The following PSIP1 variants were observed in gnomAD, a reference collection of about 807,000 sequenced individuals.
The protein encoded by PSIP1 is PC4 and SRSF1 interacting protein 1.
PSIP1 carries 19 observed loss-of-function variants against 74.7 expected under a neutral mutation model. The observed-to-expected ratio is 0.25, with a 90% confidence interval of 0.18 to 0.37. PSIP1 has a LOEUF of 0.37. Ranked by LOEUF, PSIP1 falls within the 10% of genes least tolerant of loss-of-function variation. The pLI, the probability that PSIP1 is intolerant of heterozygous loss-of-function variation, is 1.00. For missense variants in PSIP1, 601 were observed against 614.3 expected (o/e 0.98, Z 0.23); for synonymous variants, 222 against 195.3 (o/e 1.14, Z -1.14).
intron 3 of PSIP1, among the ~76,000 whole-genome samples, chr9:15,491,003 CAA>C (rs1383372144): frequency 6.6e-6 from 1 of 152,170 alleles, no homozygotes; most frequent in African/African-American, 2.4e-5. Flanking sequence ...AGCAAATACA[CAA>C]CCATTGCTCC....
chr9:15,478,438 C>G, intron 8 of PSIP1, 39 bp downstream of exon 8: 4 of 1,404,806 alleles, frequency 2.8e-6, no homozygotes, highest in Non-Finnish European at 4.0e-6. Context: ...AGTCAAATGT[C>G]TCATTTATTG....
At chr9:15,495,348 G>A (rs1227518354) in intron 3 of PSIP1, among the ~76,000 whole-genome samples, 5 of 151,968 alleles carry the variant, frequency 3.3e-5, no homozygotes, top group Non-Finnish European at 7.4e-5. Context: ...AAAAAAAGCA[G>A]TTCTTAAAAA....
chr9:15,502,464 C>G lies in PSIP1; in HGVS notation c.149+4097G>C, dbSNP rs557493908. ...TTTTTAATTTTTTTACCCCCCAAGA[C>G]AGGGTCTTACTATGTTACAAGCCAG... On this transcript the variant is annotated intron_variant, in intron 3 of 15. Transcript: ENST00000380733. Among the ~76,000 whole-genome samples, 27 of 152,248 alleles carry G rather than the reference C, an allele frequency of 1.8e-4. 1 individual carries two copies. Among genetic ancestry groups the G allele is most frequent in the Admixed American group, 1.8e-3 (27 of 15,300 alleles).
At chr9:15,502,154 CA>C (rs1554664156) in intron 3 of PSIP1, among the ~76,000 whole-genome samples, 1 of 152,118 alleles carries the variant, frequency 6.6e-6, no homozygotes, top group Non-Finnish European at 1.5e-5. Context: ...ACCATCCCCC[CA>C]AACCCCCGTG....
rs2036546232 is a variant in PSIP1, at chr9:15,486,070, TAAAAAAG to T, written c.394-9_394-3del. ...TATGTCAACTGCTTTAGTCACATCC[TAAAAAAG>T]AAAAAAGAAAACTGAATACTGAATA... is the stretch of plus-strand genomic sequence containing the variant. On this transcript the variant is annotated splice_region_variant and splice_polypyrimidine_tract_variant and intron_variant, in intron 5 of 15. Coordinates refer to ENST00000380733, the MANE Select transcript of PSIP1 (RefSeq NM_033222.5). 2 of 1,594,058 alleles carry T rather than the reference TAAAAAAG, an allele frequency of 1.3e-6. No homozygotes were observed. The highest frequency in any genetic ancestry group is 1.7e-6 in the Non-Finnish European group (2 of 1,169,142).
chr9:15,471,005 A>G, intron 10 of PSIP1: 3 of 1,378,998 alleles, frequency 2.2e-6, no homozygotes, highest in Non-Finnish European at 1.9e-6. Context: ...CTTACAGGAA[A>G]TTTGTTAATC....
rs1333371885 is a variant in PSIP1, at chr9:15,496,934, AGGATGT to A, written c.150-6816_150-6811del. Among the ~76,000 whole-genome samples, 4 of 152,338 alleles carry A rather than the reference AGGATGT, an allele frequency of 2.6e-5. No individual in the cohort carries two copies. The East Asian group carries it at 7.7e-4, about 29-fold the overall frequency. On this transcript the variant is annotated intron_variant, in intron 3 of 15. Coordinates refer to ENST00000380733, the MANE Select transcript of PSIP1 (RefSeq NM_033222.5). ...TAACAAATAATAACAAGTGTTGGCA[AGGATGT>A]GGAGAAATTGGAACCCTCCTACAAT...
Position 15,474,005 on chromosome 9 carries a change from A to C in PSIP1, c.858+4T>G. ...CAGCCATTTTATATATGTAAACTTTATACCTTTTCACCTTCTTGATCATCT... is the reference window on the plus strand; with the variant it reads ...CAGCCATTTTATATATGTAAACTTTCTACCTTTTCACCTTCTTGATCATCT... On this transcript the variant is annotated splice_donor_region_variant and intron_variant, in intron 9 of 15. Transcript: ENST00000380733. 1 of 1,600,332 alleles carries C rather than the reference A, an allele frequency of 6.2e-7. No individual in the cohort carries two copies. The highest frequency in any genetic ancestry group is 8.5e-7 in the Non-Finnish European group (1 of 1,170,218).
intron 15 of PSIP1, 112 bp from the exon 16 acceptor site, chr9:15,465,692 C>A: frequency 2.4e-6 from 2 of 843,608 alleles, no homozygotes; most frequent in Non-Finnish European, 3.6e-6. Context: ...CTGAAACCAA[C>A]CAAACAAAAG....
intron 3 of PSIP1, among the ~76,000 whole-genome samples, chr9:15,491,629 C>G (rs771674075): frequency 2.6e-5 from 4 of 152,152 alleles, no homozygotes; most frequent in Admixed American, 2.0e-4. Flanking sequence ...TCTAAAATAT[C>G]TGAAGTCAGA....
intron 8 of PSIP1, among the ~76,000 whole-genome samples, chr9:15,478,129 A>T (rs1374108948): frequency 5.0e-5 from 6 of 119,136 alleles, no homozygotes; most frequent in African/African-American, 2.7e-4. Flanking sequence ...CCCATCTTTA[A>T]AAAAAAAAAA....
At chr9:15,508,591 G>C (rs922401424) in intron 2 of PSIP1, among the ~76,000 whole-genome samples, 2 of 151,930 alleles carry the variant, frequency 1.3e-5, no homozygotes, top group Non-Finnish European at 2.9e-5. Flanking sequence ...ATGCAAATCG[G>C]AATATAGATC....
Position 15,474,294 on chromosome 9 carries a change from A to G in PSIP1, c.630-57T>C, listed in dbSNP as rs533132479. ...TCATTCAACTATAATAGTATTTTAG[A>G]TATCAGTAAGCTATAATTTTTAATT... On this transcript the variant is annotated intron_variant, in intron 8 of 15. Coordinates refer to ENST00000380733, the MANE Select transcript of PSIP1 (RefSeq NM_033222.5). The G allele has an allele frequency of 3.2e-5, 45 of 1,406,252 alleles. No homozygotes were observed. In the African/African-American group the frequency reaches 4.5e-4, roughly 14 times the overall value. The allele number at this position is 1,406,252 out of a possible 1,614,324, so 87.1% of individuals were successfully genotyped here. A position where few individuals can be genotyped will look rare whatever the true frequency, so the allele number is the denominator to read the frequency against.
chr9:15,501,352 G>A (rs2037334761), intron 3 of PSIP1, among the ~76,000 whole-genome samples: 1 of 151,718 alleles, frequency 6.6e-6, no homozygotes, highest in Non-Finnish European at 1.5e-5. Context: ...CAAGGTCCCT[G>A]CTGATCCAGC....
intron 3 of PSIP1, among the ~76,000 whole-genome samples, chr9:15,504,012 T>C (rs978596989): frequency 6.6e-6 from 1 of 152,224 alleles, no homozygotes; most frequent in Non-Finnish European, 1.5e-5. Context: ...CCCAAAGTGC[T>C]GGGATTACAC....
chr9:15,487,890 G>C (rs1301202709), intron 4 of PSIP1, among the ~76,000 whole-genome samples: 1 of 152,200 alleles, frequency 6.6e-6, no homozygotes, highest in African/African-American at 2.4e-5. Flanking sequence ...TAACAAGTAA[G>C]TACTGGGAAG....
At position 15,464,133 on chromosome 9, in the gene PSIP1, C is replaced by CTAAG. The variant is rs958606418; in HGVS notation, c.*1383_*1386dup. 5.5e-6 allele frequency: 1 copy of CTAAG among 182,674 alleles called. No homozygotes were observed. The highest frequency in any genetic ancestry group is 2.4e-5 in the African/African-American group (1 of 42,444). 11.3% of individuals were successfully genotyped at this position (182,674 alleles called of 1,614,324 possible). On this transcript the variant is annotated 3_prime_UTR_variant, in exon 16 of 16. Transcript: ENST00000380733. ...AACTTATGGCTTAACTAGAATAAAT[C>CTAAG]TAAGTAAGTTAAAACTGTATAAGGA...
At chr9:15,489,591 A>T (rs932601674) in intron 4 of PSIP1, among the ~76,000 whole-genome samples, 2 of 148,910 alleles carry the variant, frequency 1.3e-5, no homozygotes, top group African/African-American at 5.0e-5. Context: ...CTGGGCAACA[A>T]GAGCGAAACT....
rs142155589 is a variant in PSIP1, at chr9:15,466,830, C to G, written c.1450G>C (p.Ala484Pro). 1.3e-4 allele frequency: 210 copies of G among 1,613,192 alleles called. 2 individuals are homozygous for G. The African/African-American group carries it at 2.4e-3, about 19-fold the overall frequency. ...GSKTLNGGSD[A>P]QDGNQPQHNG... ...TGTTGTGGCTGATTACCATCTTGAG[C>G]ATCAGATCCTCCATTTAGAGTCTTT... Residue 484 changes from alanine to proline, a missense_variant, in exon 15 of 16, where the codon GCT becomes CCT. By Grantham distance (27) the Ala-to-Pro change is conservative. Transcript: ENST00000380733.
Sources: allele counts gnomAD v4.1 joint callset (sites outside exome capture counted in the v4.1 genomes callset), GRCh38; gene constraint gnomAD v4.1.1; transcripts MANE v1.5; gene names NCBI Gene and HGNC (gene_info 2026-07-23, HGNC 2026-07-21).